The following NAALADL2 variants were observed in gnomAD, a reference collection of about 807,000 sequenced individuals.
NAALADL2 encodes the protein inactive N-acetylated-alpha-linked acidic dipeptidase-like protein 2.
In NAALADL2, 76 loss-of-function variants were observed where a neutral mutation model predicts 87.2. The ratio of observed to expected loss-of-function variants is 0.87; its 90% CI spans 0.72 to 1.05. NAALADL2 has a LOEUF of 1.05. Among genes scored for constraint, NAALADL2 ranks in the 50% least tolerant of loss-of-function variants. The pLI is 0.00. For synonymous variants in NAALADL2, 354 were observed against 331.0 expected (o/e 1.07, Z -0.75); for missense variants, 1,089 against 945.8 (o/e 1.15, Z -1.99).
chr3:175,786,662 A>G (rs1455747307), intron 13 of NAALADL2, among the ~76,000 whole-genome samples: 1 of 152,134 alleles, frequency 6.6e-6, no homozygotes, highest in East Asian at 1.9e-4. Context: ...CTCGTAGCTC[A>G]GAGTAATTTG....
intron 1 of NAALADL2, among the ~76,000 whole-genome samples, chr3:174,942,770 T>C (rs1738816671): frequency 6.6e-6 from 1 of 152,206 alleles, no homozygotes; most frequent in South Asian, 2.1e-4. Flanking sequence ...TGGTCTGTCT[T>C]ATTTCAGAGA....
intron 10 of NAALADL2, among the ~76,000 whole-genome samples, chr3:175,593,469 T>C (rs1020038291): frequency 6.6e-6 from 1 of 152,190 alleles, no homozygotes; most frequent in African/African-American, 2.4e-5. Context: ...ATTAACAGTG[T>C]ATTCGTTTCT....
intron 2 of NAALADL2, among the ~76,000 whole-genome samples, chr3:174,704,507 C>A (rs930937574): frequency 2.0e-5 from 3 of 151,818 alleles, no homozygotes; most frequent in African/African-American, 7.3e-5. Flanking sequence ...TAAATTCATG[C>A]AAATAAATTT....
intron 9 of NAALADL2, among the ~76,000 whole-genome samples, chr3:175,527,938 C>T (rs952825847): frequency 1.3e-5 from 2 of 152,034 alleles, no homozygotes; most frequent in African/African-American, 4.8e-5. Flanking sequence ...CATGGTCTCT[C>T]CTAGGGGTTG....
rs115740663 is a variant in NAALADL2 at position 175,448,270 on chromosome 3, G to A, written c.1234+898G>A. ...TGGGAAAATTAGAAAACAGTAATAA[G>A]CCAATGTCCTCAAAGCAGGAGTGCA... On this transcript the variant is annotated intron_variant, in intron 6 of 13. Transcript: ENST00000454872. 8.3e-3 allele frequency among the ~76,000 whole-genome samples: 1,259 copies of A among 152,314 alleles called. 18 individuals carry two copies. Among genetic ancestry groups the A allele is most frequent in the African/African-American group, 0.029 (1,192 of 41,566 alleles).
chr3:175,017,135 G>C lies in NAALADL2; in HGVS notation c.44-79655G>C, dbSNP rs79392105. Among the ~76,000 whole-genome samples the C allele has an allele frequency of 4.0e-5, 6 of 151,318 alleles. 1 individual carries two copies. The highest frequency in any genetic ancestry group is 1.5e-4 in the African/African-American group (6 of 41,002). ...TGTGGTAGAAATAATAACTTAATTG[G>C]ATGATTTAAAATAATTTGCTCACAT... On this transcript the variant is annotated intron_variant, in intron 1 of 13. Transcript: ENST00000454872.
At chr3:175,061,033 C>T (rs563405346) in intron 1 of NAALADL2, among the ~76,000 whole-genome samples, 8 of 151,966 alleles carry the variant, frequency 5.3e-5, no homozygotes, top group East Asian at 1.9e-4. Context: ...GCAACAAGAG[C>T]GAAACTCCGT....
chr3:175,235,723 C>A (rs908888120), intron 3 of NAALADL2: 2 of 152,212 alleles, frequency 1.3e-5, no homozygotes, highest in Non-Finnish European at 2.9e-5. Flanking sequence ...ACAGAACATT[C>A]ACAAAAACAC....
At chr3:174,703,580 TG>T (rs1353983413) in intron 2 of NAALADL2, among the ~76,000 whole-genome samples, 4 of 152,094 alleles carry the variant, frequency 2.6e-5, no homozygotes, top group African/African-American at 9.7e-5. Flanking sequence ...GACTTATTAG[TG>T]AAGTATATAA....
chr3:175,344,950 A>G (rs1371310216), intron 5 of NAALADL2, among the ~76,000 whole-genome samples: 2 of 152,126 alleles, frequency 1.3e-5, no homozygotes, highest in African/African-American at 4.8e-5. Flanking sequence ...TGAGGAAACT[A>G]GAACAAAAAC....
chr3:174,786,461 A>AT lies in NAALADL2; in HGVS notation c.-9+48715_-9+48716insT, dbSNP rs1238398798. On this transcript the variant is annotated intron_variant, in intron 3 of 3. Transcript: ENST00000434257. ...GCAGACTCTGTCTCAAAAAAAAAAA[A>AT]AAAAATAATAAATAAATGAAAAGGA... is the stretch of plus-strand genomic sequence containing the variant. Among the ~76,000 whole-genome samples the AT allele has an allele frequency of 2.3e-3, 321 of 139,068 alleles. 4 individuals carry two copies. The highest frequency in any genetic ancestry group is 8.0e-3 in the African/African-American group (297 of 37,224). 91.2% of individuals were successfully genotyped at this position (139,068 alleles called of 152,430 possible).
chr3:174,966,302 G>T (rs981912792), intron 1 of NAALADL2, among the ~76,000 whole-genome samples: 8 of 152,118 alleles, frequency 5.3e-5, no homozygotes, highest in Admixed American at 5.2e-4. Flanking sequence ...CATCCCCAAT[G>T]ATGGCAAACC....
At chr3:175,477,632 C>G (rs1317851147) in intron 9 of NAALADL2, among the ~76,000 whole-genome samples, 1 of 152,058 alleles carries the variant, frequency 6.6e-6, no homozygotes, top group Non-Finnish European at 1.5e-5. Context: ...CCAACTTTAA[C>G]CAAAGACTTC....
intron 9 of NAALADL2, among the ~76,000 whole-genome samples, chr3:175,499,227 ACTGT>A (rs1225191341): frequency 6.6e-6 from 1 of 152,088 alleles, no homozygotes; most frequent in Admixed American, 6.6e-5. Context: ...CTATTTTTAC[ACTGT>A]CTAATTTCCA....
intron 1 of NAALADL2, among the ~76,000 whole-genome samples, chr3:174,887,069 A>T (rs1466555072): frequency 6.6e-6 from 1 of 152,204 alleles, no homozygotes. Flanking sequence ...TGTAGCTTAT[A>T]TAAGGAGCTT....
At chr3:175,088,461 A>G (rs1719473227) in intron 1 of NAALADL2, among the ~76,000 whole-genome samples, 1 of 152,222 alleles carries the variant, frequency 6.6e-6, no homozygotes, top group Non-Finnish European at 1.5e-5. Context: ...TATTTCGGAA[A>G]ATAAAAAGTG....
intron 1 of NAALADL2, among the ~76,000 whole-genome samples, chr3:174,863,551 C>T (rs538928958): frequency 1.3e-5 from 2 of 149,222 alleles, no homozygotes; most frequent in South Asian, 2.3e-4. Flanking sequence ...TTAGAAATGG[C>T]ACTAATTCTA....
In NAALADL2 at chr3:175,667,763, T is replaced by C. The variant is rs561218349; in HGVS notation, c.1896+40377T>C. ...TTGCTGTTTTTTTTTTTTTTTTTTC[T>C]GTAACAGGAAGATGAAGTTAGACCC... On this transcript the variant is annotated intron_variant, in intron 11 of 13. Transcript: ENST00000454872. Among the ~76,000 whole-genome samples, 7 of 143,556 alleles carry C rather than the reference T, an allele frequency of 4.9e-5. No homozygotes were observed. The South Asian group carries it at 1.1e-3, about 22-fold the overall frequency. The allele number at this position is 143,556 out of a possible 152,430, so 94.2% of individuals were successfully genotyped here. A position where few individuals can be genotyped will look rare whatever the true frequency, so the allele number is the denominator to read the frequency against.
intron 2 of NAALADL2, among the ~76,000 whole-genome samples, chr3:174,609,272 C>A (rs1377515024): frequency 6.6e-6 from 1 of 152,132 alleles, no homozygotes; most frequent in East Asian, 1.9e-4. Context: ...GATGCCCTCT[C>A]TCACCACTCC....
Sources: gnomAD v4.1 joint callset for allele counts (sites outside exome capture counted in the v4.1 genomes callset) on GRCh38, gnomAD v4.1.1 for gene constraint, MANE v1.5 for transcripts, NCBI Gene and HGNC (gene_info 2026-07-23, HGNC 2026-07-21) for gene names.